The following ZBED4 variants were observed in gnomAD, a reference collection of about 807,000 sequenced individuals.
The protein encoded by ZBED4 is zinc finger BED-type containing 4, also known as zinc finger BED domain-containing protein 4.
ZBED4 carries 4 observed loss-of-function variants against 15.5 expected under a neutral mutation model. The ratio of observed to expected loss-of-function variants is 0.26; its 90% CI spans 0.13 to 0.59. The LOEUF is 0.59. Among genes scored for constraint, ZBED4 ranks in the 20% least tolerant of loss-of-function variants. ZBED4 has a pLI of 0.90. For synonymous variants in ZBED4, 692 were observed against 608.5 expected, an observed-to-expected ratio of 1.14 and a Z score of -2.02; for missense variants, 1,323 against 1,461.8, an observed-to-expected ratio of 0.91 and a Z score of 1.55.
chr22:49,867,473 T>C (rs903453960), intron 1 of ZBED4, among the ~76,000 whole-genome samples: 28 of 152,254 alleles, frequency 1.8e-4, no homozygotes, highest in African/African-American at 6.8e-4. Flanking sequence ...TGTCTAGTTC[T>C]GGGTGGCCTG....
At chr22:49,864,131 T>C (rs2060309583) in intron 1 of ZBED4, among the ~76,000 whole-genome samples, 5 of 152,348 alleles carry the variant, frequency 3.3e-5, no homozygotes, top group Admixed American at 3.3e-4. Flanking sequence ...GGTTGGCCGC[T>C]GGTTCTAGGC....
At chr22:49,854,148 G>A (rs1434731760) in intron 1 of ZBED4, among the ~76,000 whole-genome samples, 159 bp downstream of exon 1, 4 of 144,948 alleles carry the variant, frequency 2.8e-5, no homozygotes, top group Non-Finnish European at 4.6e-5. Flanking sequence ...CGGGGTCCCC[G>A]CCCGGCGCCG....
chr22:49,886,254 C>T lies in ZBED4; in HGVS notation c.2592C>T (p.Pro864=), dbSNP rs1210315518. Residue 864 remains proline (P), a synonymous_variant, in exon 2 of 2, where the codon CCC becomes CCT. Transcript: ENST00000216268. The surrounding 1 kb of genome is among the most constrained non-coding windows in gnomAD (Gnocchi z 7.7). ...TCTGCGAGCGGGTGCACCGGTCGCC[C>T]AAGGCGAAGGAGAAACTGGCCGAGC... ...RKICERVHRS[P]KAKEKLAELQ... 2.5e-6 allele frequency: 3 copies of T among 1,202,744 alleles called. No individual in the cohort carries two copies. The highest frequency in any genetic ancestry group is 1.5e-5 in the African/African-American group (1 of 66,294). The allele number at this position is 1,202,744 out of a possible 1,614,324, so 74.5% of individuals were successfully genotyped here.
intron 1 of ZBED4, among the ~76,000 whole-genome samples, chr22:49,872,109 C>A (rs899475462): frequency 2.0e-5 from 3 of 152,176 alleles, no homozygotes; most frequent in Non-Finnish European, 2.9e-5. Context: ...AAAGAGTTCT[C>A]CATAGTGTAC....
At position 49,885,442 on chromosome 22, in the gene ZBED4, A is replaced by C; in HGVS notation, c.1780A>C (p.Asn594His). 2 of 1,610,746 alleles carry C rather than the reference A, an allele frequency of 1.2e-6. No homozygotes were observed. The highest frequency in any genetic ancestry group is 1.7e-6 in the Non-Finnish European group (2 of 1,177,150). The change falls in exon 2 of 2, where the codon AAC becomes CAC. Residue 594 changes from asparagine (N) to histidine (H), a missense_variant. Physicochemically the swap from Asn to His is moderately conservative, Grantham distance 68 (BLOSUM62 1). This residue lies in a region of ZBED4 where 429 missense variants were observed against 397.9 expected (regional missense o/e 1.08). Coordinates refer to ENST00000216268, the MANE Select transcript of ZBED4 (RefSeq NM_014838.3). ...CATCAGCCGGGGGAAGAAGCCGACT[A>C]ACTTGGGTACCAGCTGTCTTCTGAG... ...RTISRGKKPT[N>H]LGTSCLLRHL...
chr22:49,871,238 C>T (rs2060345938), intron 1 of ZBED4, among the ~76,000 whole-genome samples: 1 of 143,026 alleles, frequency 7.0e-6, no homozygotes, highest in South Asian at 2.4e-4. Context: ...GTTAATTCAT[C>T]AGCACTTTGG....
chr22:49,863,625 CAAAAAAA>C (rs59800105), intron 1 of ZBED4, among the ~76,000 whole-genome samples: 1 of 94,314 alleles, frequency 1.1e-5, no homozygotes, highest in South Asian at 3.0e-4. Flanking sequence ...GACTCCGTCT[CAAAAAAA>C]AAAAAAAAAA....
At chr22:49,883,231 T>C (rs2060418653) in intron 1 of ZBED4, 103 bp from the exon 2 acceptor site, 1 of 153,454 alleles carries the variant, frequency 6.5e-6, no homozygotes, top group African/African-American at 2.4e-5. Flanking sequence ...AGTTTTCCAT[T>C]ATACAGTTTT....
rs66520307 is a variant in ZBED4 at position 49,862,693 on chromosome 22, CTTTTTTTTT to C, written c.-330+8722_-330+8730del. ...CCTCTAAATATTAGTTAAGTTTTTC[CTTTTTTTTT>C]TTTTTTTTTTTTTTTTTAGACTTAA... On this transcript the variant is annotated intron_variant, in intron 1 of 1. Coordinates refer to ENST00000216268, the MANE Select transcript of ZBED4 (RefSeq NM_014838.3). 3.8e-3 allele frequency among the ~76,000 whole-genome samples: 222 copies of C among 59,032 alleles called. 5 individuals carry two copies. In the East Asian group the frequency reaches 0.11, roughly 29 times the overall value. The allele number at this position is 59,032 out of a possible 152,430, so 38.7% of individuals were successfully genotyped here. A position where few individuals can be genotyped will look rare whatever the true frequency, so the allele number is the denominator to read the frequency against.
chr22:49,860,450 A>G (rs1223520682), intron 1 of ZBED4, among the ~76,000 whole-genome samples: 1 of 152,272 alleles, frequency 6.6e-6, no homozygotes, highest in African/African-American at 2.4e-5. Flanking sequence ...TAGAATTACA[A>G]TACCACTCCT....
chr22:49,875,848 T>C (rs2060373719), intron 1 of ZBED4, among the ~76,000 whole-genome samples: 1 of 152,170 alleles, frequency 6.6e-6, no homozygotes, highest in Non-Finnish European at 1.5e-5. Flanking sequence ...GTAAATTCTG[T>C]CTTCTCCATT....
At chr22:49,879,983 G>T (rs911511390) in intron 1 of ZBED4, among the ~76,000 whole-genome samples, 10 of 150,954 alleles carry the variant, frequency 6.6e-5, no homozygotes, top group African/African-American at 2.4e-4. Context: ...GTTTTCTCCC[G>T]CTTCATCGCA....
intron 1 of ZBED4, among the ~76,000 whole-genome samples, chr22:49,874,017 T>C (rs1015677254): frequency 1.3e-5 from 2 of 152,254 alleles, no homozygotes; most frequent in Non-Finnish European, 2.9e-5. Context: ...CTGTGACCTC[T>C]CTGAACTCTC....
intron 1 of ZBED4, among the ~76,000 whole-genome samples, chr22:49,855,205 G>T (rs980578075): frequency 6.6e-6 from 1 of 152,078 alleles, no homozygotes; most frequent in African/African-American, 2.4e-5. Flanking sequence ...TTCAAGAAAA[G>T]ATCTAGCACA....
intron 1 of ZBED4, among the ~76,000 whole-genome samples, chr22:49,862,369 GCTGGGACTACGGGCGTAAGCCA>G (rs2060301195): frequency 6.6e-6 from 1 of 152,270 alleles, no homozygotes; most frequent in African/African-American, 2.4e-5. Context: ...CCTGCAAGTA[GCTGGGACTACGGGCGTAAGCCA>G]CTGCGCCCAG....
chr22:49,882,765 G>A (rs546652288), intron 1 of ZBED4, among the ~76,000 whole-genome samples: 5 of 152,320 alleles, frequency 3.3e-5, no homozygotes, highest in Admixed American at 2.0e-4. Flanking sequence ...ACTTGGGGAC[G>A]GGGCATTGAA....
At chr22:49,874,865 T>C (rs1327110416) in intron 1 of ZBED4, among the ~76,000 whole-genome samples, 1 of 151,698 alleles carries the variant, frequency 6.6e-6, no homozygotes, top group Non-Finnish European at 1.5e-5. Context: ...GTATTTTTAA[T>C]AGAGACGGGG....
intron 1 of ZBED4, among the ~76,000 whole-genome samples, chr22:49,865,477 C>T (rs2060318202): frequency 1.3e-5 from 2 of 151,536 alleles, no homozygotes; most frequent in Admixed American, 6.6e-5. Context: ...GGTGAAACCC[C>T]GTCTCTATTA....
intron 1 of ZBED4, among the ~76,000 whole-genome samples, chr22:49,867,425 C>T (rs555955947): frequency 3.3e-5 from 5 of 152,180 alleles, no homozygotes; most frequent in Non-Finnish European, 5.9e-5. Context: ...AGTTGGCTGA[C>T]GGTATTGCTC....
Sources: allele counts gnomAD v4.1 joint callset (sites outside exome capture counted in the v4.1 genomes callset), GRCh38; gene constraint gnomAD v4.1.1; regional missense constraint gnomAD v4.1.1; non-coding constraint Gnocchi (gnomAD v3.1); transcripts MANE v1.5; gene names NCBI Gene and HGNC (gene_info 2026-07-23, HGNC 2026-07-21).